The following TRAPPC13 variants were observed in gnomAD, a reference collection of about 807,000 sequenced individuals.
TRAPPC13 encodes REV7-interacting novel NHEJ regulator 1.
In TRAPPC13, 39 loss-of-function variants were observed where a neutral mutation model predicts 54.0. The observed-to-expected ratio is 0.72, with a 90% CI of 0.56 to 0.94. TRAPPC13 has a LOEUF of 0.94. Ranked by LOEUF, TRAPPC13 falls within the 40% of genes least tolerant of loss-of-function variation. TRAPPC13 has a pLI of 0.00. For synonymous variants in TRAPPC13, 148 were observed against 167.7 expected (o/e 0.88, Z 0.91); for missense variants, 386 against 488.1 (o/e 0.79, Z 1.97).
At chr5:65,630,819 C>T (rs747230947) in intron 1 of TRAPPC13, 52 of 360,316 alleles carry the variant, frequency 1.4e-4, no homozygotes, top group East Asian at 3.3e-4. Flanking sequence ...TTTCAAACAA[C>T]GATACAAAAT....
intron 6 of TRAPPC13, among the ~76,000 whole-genome samples, chr5:65,652,186 T>A (rs1756484683): frequency 6.6e-6 from 1 of 152,008 alleles, no homozygotes. Flanking sequence ...TTGCAAACAG[T>A]TTTTGTGAAT....
rs7716352 is a variant in TRAPPC13, at chr5:65,652,805, G to T, written c.546+260G>T. 360 of 463,616 alleles carry T rather than the reference G, an allele frequency of 7.8e-4. 3 individuals are homozygous for T. Among genetic ancestry groups the T allele is most frequent in the African/African-American group, 6.8e-3 (345 of 50,464 alleles). The allele number at this position is 463,616 out of a possible 1,614,324, so 28.7% of individuals were successfully genotyped here. A position where few individuals can be genotyped will look rare whatever the true frequency, so the allele number is the denominator to read the frequency against. The stretch of plus-strand genomic sequence containing the variant: ...TTTCATCTCCTTTCGTTAAATGATT[G>T]CCCTCTCATTCCATTTAATGGTGGT... On this transcript the variant is annotated intron_variant, in intron 7 of 12. Coordinates refer to ENST00000399438, the MANE Select transcript of TRAPPC13 (RefSeq NM_024941.4).
At chr5:65,650,537 G>T (rs550492140) in intron 5 of TRAPPC13, among the ~76,000 whole-genome samples, 1 of 152,120 alleles carries the variant, frequency 6.6e-6, no homozygotes, top group East Asian at 1.9e-4. Context: ...ATTATTCTGA[G>T]AATTATTTTG....
chr5:65,642,874 T>A (rs1237421536), intron 4 of TRAPPC13, among the ~76,000 whole-genome samples: 1 of 152,162 alleles, frequency 6.6e-6, no homozygotes, highest in African/African-American at 2.4e-5. Context: ...TTGCCCAATG[T>A]AGTGAGACCA....
chr5:65,660,888 T>C lies in TRAPPC13; in HGVS notation c.888T>C (p.Leu296=). 6.2e-7 allele frequency: 1 copy of C among 1,608,550 alleles called. No individual in the cohort carries two copies. Among genetic ancestry groups the C allele is most frequent in the Non-Finnish European group, 8.5e-7 (1 of 1,177,430 alleles). The change falls in exon 10 of 13, where the codon CTT becomes CTC. Residue 296 remains leucine, a synonymous_variant. Transcript: ENST00000399438. ...GERGRLQTSQ[L]QRMAPGYGDV... ...GGGGAAGGTTACAGACCAGCCAACT[T>C]CAAAGAATGGTGAGTCTGGAAAAAA...
chr5:65,637,397 T>G (rs887388200), intron 3 of TRAPPC13, among the ~76,000 whole-genome samples: 2 of 152,138 alleles, frequency 1.3e-5, no homozygotes, highest in African/African-American at 4.8e-5. Flanking sequence ...TTTGAGAGAC[T>G]GAGGCGGGCG....
intron 4 of TRAPPC13, among the ~76,000 whole-genome samples, chr5:65,641,298 T>C (rs1755955142): frequency 6.6e-6 from 1 of 152,182 alleles, no homozygotes; most frequent in Non-Finnish European, 1.5e-5. Flanking sequence ...CAGCTTGATA[T>C]TGACCTGTAT....
rs1471618611 is a variant in TRAPPC13 at position 65,658,361 on chromosome 5, T to A, written c.565-7T>A. The A allele has an allele frequency of 6.3e-7, 1 of 1,591,348 alleles. No individual in the cohort carries two copies. The highest frequency in any genetic ancestry group is 8.6e-7 in the Non-Finnish European group (1 of 1,167,794). On this transcript the variant is annotated splice_polypyrimidine_tract_variant and splice_region_variant and intron_variant, in intron 8 of 12. Coordinates refer to ENST00000399438, the MANE Select transcript of TRAPPC13 (RefSeq NM_024941.4). ...CACCTTGGTGGATATTTTTTTCATA[T>A]CCTCAGACTGATGAAGTATTTCTGG...
chr5:65,635,168 G>A, intron 1 of TRAPPC13, 133 bp from the exon 2 acceptor site: 3 of 789,478 alleles, frequency 3.8e-6, no homozygotes, highest in South Asian at 2.3e-5. Context: ...GAAGTATGTA[G>A]TATTATATTT....
chr5:65,635,263 A>G, intron 1 of TRAPPC13, 38 bp from the exon 2 acceptor site: 2 of 1,530,888 alleles, frequency 1.3e-6, no homozygotes, highest in Non-Finnish European at 1.8e-6. Context: ...CCTAAGCAGT[A>G]TTAATGTTTT....
At chr5:65,650,719 T>C in intron 5 of TRAPPC13, 91 bp from the exon 6 acceptor site, 1 of 1,030,288 alleles carries the variant, frequency 9.7e-7, no homozygotes, top group Non-Finnish European at 1.5e-6. Context: ...ATATAAGTGT[T>C]TTCCAAATTT....
chr5:65,626,272 T>G, intron 1 of TRAPPC13: 1 of 152,354 alleles, frequency 6.6e-6, no homozygotes, highest in East Asian at 1.9e-4. Flanking sequence ...AGCTAGTGAT[T>G]GAGGCAGTGT....
chr5:65,628,462 T>C (rs1440768680), intron 1 of TRAPPC13, among the ~76,000 whole-genome samples: 1 of 142,444 alleles, frequency 7.0e-6, no homozygotes, highest in Non-Finnish European at 1.6e-5. Context: ...ATCCATATAA[T>C]TTTTTTTTTT....
chr5:65,631,910 C>T (rs1456188822), intron 1 of TRAPPC13, among the ~76,000 whole-genome samples: 3 of 100,484 alleles, frequency 3.0e-5, no homozygotes, highest in Non-Finnish European at 6.3e-5. Flanking sequence ...CTCCAGGACA[C>T]TAAGAAAAAA....
Position 65,637,774 on chromosome 5 carries a change from A to G in TRAPPC13, c.294A>G (p.Leu98=). Residue 98 remains leucine, a synonymous_variant, in exon 4 of 13, where the codon TTA becomes TTG. Transcript: ENST00000399438. ...GCAATCAAGTTGTAAAAGACATATT[A>G]GTAAAAGTAAGTAACATTCTTACTT... ...NDSNQVVKDI[L]VKADLQTSSQ... is the part of the protein sequence containing the mutation. 1.3e-6 allele frequency: 2 copies of G among 1,533,248 alleles called. No individual in the cohort carries two copies. Among genetic ancestry groups the G allele is most frequent in the African/African-American group, 2.8e-5 (2 of 71,514 alleles). 95.0% of individuals were successfully genotyped at this position (1,533,248 alleles called of 1,614,324 possible).
chr5:65,637,034 G>T (rs1755773490), intron 3 of TRAPPC13, among the ~76,000 whole-genome samples: 1 of 152,144 alleles, frequency 6.6e-6, no homozygotes, highest in South Asian at 2.1e-4. Context: ...TAGATTCAGG[G>T]AATAAGTTAT....
rs56915791 is a variant in TRAPPC13 at position 65,653,134 on chromosome 5, CA to C, written c.546+601del. ...AAAAAGAGATAAAATAGAACTTGCC[CA>C]AAAAAAAAAAAGAACTTGCCATAGG... is the stretch of plus-strand genomic sequence containing the variant. On this transcript the variant is annotated intron_variant, in intron 7 of 12. Transcript: ENST00000399438. 5.6e-4 allele frequency among the ~76,000 whole-genome samples: 64 copies of C among 114,170 alleles called. 1 individual carries two copies. The highest frequency in any genetic ancestry group is 9.3e-4 in the East Asian group (4 of 4,318). 74.9% of individuals were successfully genotyped at this position (114,170 alleles called of 152,430 possible). A position where few individuals can be genotyped will look rare whatever the true frequency, so the allele number is the denominator to read the frequency against.
Position 65,635,986 on chromosome 5 carries a change from T to G in TRAPPC13, c.158T>G (p.Val53Gly). Residue 53 changes from valine (V) to glycine (G), a missense_variant, in exon 3 of 13, where the codon GTT becomes GGT. Transcript: ENST00000399438. ...NQLMRDDPST[V>G]NGAEVLMLGE... ...CTGATGAGAGATGATCCTTCAACCGTTAATGGTGCAGAAGTTTTAATGTTG... is the reference window on the plus strand; with the variant it reads ...CTGATGAGAGATGATCCTTCAACCGGTAATGGTGCAGAAGTTTTAATGTTG... The G allele has an allele frequency of 6.2e-7, 1 of 1,602,442 alleles. No individual in the cohort carries two copies. The highest frequency in any genetic ancestry group is 8.5e-7 in the Non-Finnish European group (1 of 1,173,794).
rs1031265400 is a variant in TRAPPC13 at position 65,665,254 on chromosome 5, G to A, written c.*643G>A. On this transcript the variant is annotated 3_prime_UTR_variant, in exon 13 of 13. Coordinates refer to ENST00000399438, the MANE Select transcript of TRAPPC13 (RefSeq NM_024941.4). ...GGTATAGTTGGCTGACCTCAATCTAGAAGATAGAGTTGTTTCTTAGAACTT... is the reference window on the plus strand; with the variant it reads ...GGTATAGTTGGCTGACCTCAATCTAAAAGATAGAGTTGTTTCTTAGAACTT... 6.6e-6 allele frequency: 1 copy of A among 152,170 alleles called. No homozygotes were observed. The highest frequency in any genetic ancestry group is 1.5e-5 in the Non-Finnish European group (1 of 68,018). 9.4% of individuals were successfully genotyped at this position (152,170 alleles called of 1,614,324 possible).
Sources: gnomAD v4.1 joint callset for allele counts (sites outside exome capture counted in the v4.1 genomes callset) on GRCh38, gnomAD v4.1.1 for gene constraint, MANE v1.5 for transcripts, NCBI Gene and HGNC (gene_info 2026-07-23, HGNC 2026-07-21) for gene names.